The following PSMD14 variants were observed in gnomAD, a reference collection of about 807,000 sequenced individuals.
PSMD14 encodes the protein proteasome 26S subunit, non-ATPase 14.
In PSMD14, 7 loss-of-function variants were observed where a neutral mutation model predicts 41.2. The observed-to-expected ratio is 0.17, with a 90% CI of 0.10 to 0.32. The LOEUF (loss-of-function observed/expected upper bound fraction) is 0.32. Among genes scored for constraint, PSMD14 ranks in the 10% least tolerant of loss-of-function variants. The pLI is 1.00. For missense variants in PSMD14, 139 were observed against 375.6 expected (o/e 0.37, Z 5.21); for synonymous variants, 114 against 122.3 (o/e 0.93, Z 0.45).
chr2:161,393,263 ATAGCATAGGTAGTTG>A (rs749404195), intron 9 of PSMD14, among the ~76,000 whole-genome samples: 1 of 152,210 alleles, frequency 6.6e-6, no homozygotes, highest in Non-Finnish European at 1.5e-5. Flanking sequence ...AGGTAGCTGT[ATAGCATAGGTAGTTG>A]TAGCAGCACC....
intron 2 of PSMD14, among the ~76,000 whole-genome samples, chr2:161,317,149 G>A (rs1443365351): frequency 6.6e-6 from 1 of 151,786 alleles, no homozygotes; most frequent in Non-Finnish European, 1.5e-5. Context: ...CCCGTTTTTA[G>A]CCTTTAAAAA....
chr2:161,385,793 C>T (rs538551715), intron 8 of PSMD14, among the ~76,000 whole-genome samples: 2 of 151,714 alleles, frequency 1.3e-5, no homozygotes, highest in South Asian at 2.1e-4. Flanking sequence ...TATTTGAGGA[C>T]CCCCTTTTTG....
At chr2:161,368,052 GA>G (rs1683382898) in intron 5 of PSMD14, 149 bp downstream of exon 5, 2 of 976,190 alleles carry the variant, frequency 2.0e-6, no homozygotes, top group Non-Finnish European at 2.9e-6. Flanking sequence ...AGATTGTATT[GA>G]ATTAAATCAT....
At chr2:161,320,119 G>A (rs1255954295) in intron 3 of PSMD14, among the ~76,000 whole-genome samples, 1 of 152,166 alleles carries the variant, frequency 6.6e-6, no homozygotes, top group East Asian at 1.9e-4. Context: ...TCTGAAATTA[G>A]TAGTAATAGT....
intron 7 of PSMD14, among the ~76,000 whole-genome samples, chr2:161,373,403 C>G (rs935975905): frequency 2.0e-5 from 3 of 151,774 alleles, no homozygotes; most frequent in African/African-American, 7.2e-5. Flanking sequence ...GGATCCAGTT[C>G]TTTGTCAGTA....
intron 10 of PSMD14, among the ~76,000 whole-genome samples, chr2:161,398,701 G>C (rs1040044319): frequency 7.9e-5 from 12 of 151,908 alleles, no homozygotes; most frequent in African/African-American, 2.9e-4. Flanking sequence ...ACGGTTTACT[G>C]TTCAGGTAGA....
chr2:161,388,636 T>C (rs1028963596), intron 8 of PSMD14, among the ~76,000 whole-genome samples: 13 of 152,254 alleles, frequency 8.5e-5, no homozygotes, highest in Middle Eastern at 3.4e-3. Flanking sequence ...AGCTTCATTT[T>C]AGAACGTGAT....
intron 3 of PSMD14, among the ~76,000 whole-genome samples, chr2:161,322,885 A>G (rs553373507): frequency 6.6e-6 from 1 of 152,194 alleles, no homozygotes; most frequent in Admixed American, 6.5e-5. Context: ...TAGTTTCTTA[A>G]TTTTCTCTAA....
At chr2:161,318,743 T>A in intron 2 of PSMD14, 79 bp from the exon 3 acceptor site, 1 of 1,098,576 alleles carries the variant, frequency 9.1e-7, no homozygotes, top group Non-Finnish European at 1.4e-6. Context: ...ACTGAGTGAC[T>A]GAAGGTGAAT....
At chr2:161,327,977 T>TGTGTGTGTGTGTGTGC (rs1682726627) in intron 3 of PSMD14, among the ~76,000 whole-genome samples, 2 of 148,546 alleles carry the variant, frequency 1.3e-5, no homozygotes, top group African/African-American at 5.1e-5. Context: ...TGTGTGTGTG[T>TGTGTGTGTGTGTGTGC]GTGTGTGAGA....
At chr2:161,318,490 G>A (rs1297256822) in intron 2 of PSMD14, among the ~76,000 whole-genome samples, 1 of 152,072 alleles carries the variant, frequency 6.6e-6, no homozygotes, top group Admixed American at 6.5e-5. Context: ...AGCATTTCAG[G>A]CACTTTTTCT....
chr2:161,401,354 A>G (rs1683875466), intron 10 of PSMD14, among the ~76,000 whole-genome samples: 1 of 152,248 alleles, frequency 6.6e-6, no homozygotes. Context: ...TTCACCTGTG[A>G]CGGGTTAGCA....
At chr2:161,344,736 A>G (rs1360637533) in intron 3 of PSMD14, among the ~76,000 whole-genome samples, 1 of 152,210 alleles carries the variant, frequency 6.6e-6, no homozygotes, top group Non-Finnish European at 1.5e-5. Flanking sequence ...CCATTTAAAA[A>G]ATTAAGTTAT....
intron 7 of PSMD14, among the ~76,000 whole-genome samples, chr2:161,378,507 G>GTT (rs1683532748): frequency 6.6e-6 from 1 of 151,482 alleles, no homozygotes; most frequent in African/African-American, 2.4e-5. Context: ...TTTTTTTGAG[G>GTT]TTTTCATTTC....
intron 2 of PSMD14, among the ~76,000 whole-genome samples, chr2:161,318,312 A>G (rs764013813): frequency 3.9e-5 from 6 of 152,166 alleles, no homozygotes; most frequent in African/African-American, 1.4e-4. Flanking sequence ...TCAGAGATCC[A>G]TAATCTGCTC....
chr2:161,406,897 A>G (rs867523877), intron 10 of PSMD14, among the ~76,000 whole-genome samples: 1 of 152,178 alleles, frequency 6.6e-6, no homozygotes, highest in African/African-American at 2.4e-5. Context: ...AACTTTTCAA[A>G]TAAGATCAGT....
At chr2:161,383,980 A>C (rs1339087266) in intron 7 of PSMD14, 1 of 151,636 alleles carries the variant, frequency 6.6e-6, no homozygotes, top group African/African-American at 2.4e-5. Context: ...TTTTTTAAAA[A>C]AGAGAATATG....
chr2:161,321,166 A>G (rs1682579184), intron 3 of PSMD14, among the ~76,000 whole-genome samples: 1 of 152,252 alleles, frequency 6.6e-6, no homozygotes, highest in African/African-American at 2.4e-5. Flanking sequence ...GGGAAATGTT[A>G]TCTTACCATT....
chr2:161,398,894 A>G (rs933992748), intron 10 of PSMD14, among the ~76,000 whole-genome samples: 3 of 151,822 alleles, frequency 2.0e-5, no homozygotes, highest in Non-Finnish European at 4.4e-5. Flanking sequence ...AAAACAGGTA[A>G]GATGATTATT....
Sources: allele counts gnomAD v4.1 joint callset (sites outside exome capture counted in the v4.1 genomes callset), GRCh38; gene constraint gnomAD v4.1.1; transcripts MANE v1.5; gene names NCBI Gene and HGNC (gene_info 2026-07-23, HGNC 2026-07-21).